Variants in EYS observed in about 807,000 individuals in gnomAD.
EYS encodes the protein EGF-like photoreceptor maintenance factor, also known as protein eyes shut homolog.
Under a neutral mutation model 282.1 loss-of-function variants are expected in EYS, and 250 were observed. That is an observed-to-expected ratio of 0.89 (90% CI 0.80 to 0.98). EYS has a LOEUF of 0.98. EYS is among the 50% of genes least tolerant of loss of function. EYS has a pLI of 0.00. For synonymous variants in EYS, 1,355 were observed against 1,282.9 expected (o/e 1.06, Z -1.20); for missense variants, 4,016 against 3,709.0 (o/e 1.08, Z -2.15).
chr6:64,861,864 C>G (rs557278187), intron 19 of EYS, among the ~76,000 whole-genome samples: 65 of 152,190 alleles, frequency 4.3e-4, no homozygotes, highest in Non-Finnish European at 8.1e-4. Flanking sequence ...TCCTCTAATG[C>G]TTCTTTCTTT....
In EYS at chr6:65,544,029, TGAGA is replaced by T. The variant is rs796845502; in HGVS notation, c.-332-48040_-332-48037del. 3.9e-3 allele frequency among the ~76,000 whole-genome samples: 510 copies of T among 131,938 alleles called. 5 individuals are homozygous for T. The highest frequency in any genetic ancestry group is 0.012 in the African/African-American group (397 of 33,690). 86.6% of individuals were successfully genotyped at this position (131,938 alleles called of 152,430 possible). Reference sequence around the variant, plus strand: ...GTGTGTGTGTGTGTGTGTGTGTGTGTGAGAGAGAGAGAGACAAAGACAGAGAGAG... The same window carrying T: ...GTGTGTGTGTGTGTGTGTGTGTGTGTGAGAGAGAGACAAAGACAGAGAGAG... On this transcript the variant is annotated intron_variant, in intron 2 of 42. Coordinates refer to ENST00000503581, the MANE Select transcript of EYS (RefSeq NM_001142800.2).
At chr6:64,201,785 G>A (rs776262652) in intron 31 of EYS, among the ~76,000 whole-genome samples, 4 of 152,134 alleles carry the variant, frequency 2.6e-5, no homozygotes, top group African/African-American at 4.8e-5. Flanking sequence ...GTAACAGAAT[G>A]TATTTAATTT....
intron 36 of EYS, among the ~76,000 whole-genome samples, chr6:63,852,454 G>C (rs1287363883): frequency 6.6e-6 from 1 of 152,044 alleles, no homozygotes; most frequent in African/African-American, 2.4e-5. Context: ...TCCCTGAATA[G>C]ACCAATAACA....
intron 1 of EYS, among the ~76,000 whole-genome samples, chr6:65,644,012 GT>G (rs1242873403): frequency 6.6e-6 from 1 of 151,886 alleles, no homozygotes; most frequent in Non-Finnish European, 1.5e-5. Context: ...ACAAAACAAG[GT>G]TTTTTAACAC....
At chr6:65,242,197 G>A (rs778744604) in intron 12 of EYS, among the ~76,000 whole-genome samples, 1 of 151,920 alleles carries the variant, frequency 6.6e-6, no homozygotes, top group Non-Finnish European at 1.5e-5. Flanking sequence ...AGTGATTTTA[G>A]TATATTTAGA....
At chr6:64,983,688 A>C (rs1770756653) in intron 14 of EYS, among the ~76,000 whole-genome samples, 2 of 151,406 alleles carry the variant, frequency 1.3e-5, no homozygotes, top group Non-Finnish European at 3.0e-5. Flanking sequence ...TGCTGATTTA[A>C]CAACAGGTGC....
intron 23 of EYS, among the ~76,000 whole-genome samples, chr6:64,619,831 T>C (rs186726995): frequency 2.0e-5 from 3 of 152,116 alleles, no homozygotes; most frequent in Admixed American, 2.0e-4. Context: ...AAGGAATGAC[T>C]CCCAGGTCCT....
intron 29 of EYS, among the ~76,000 whole-genome samples, chr6:64,384,014 GT>G (rs1180629591): frequency 6.6e-6 from 1 of 152,034 alleles, no homozygotes; most frequent in Non-Finnish European, 1.5e-5. Flanking sequence ...AACTGAAGTG[GT>G]TTCTTTCTTC....
chr6:64,660,859 A>G (rs1204324801), intron 22 of EYS, among the ~76,000 whole-genome samples: 1 of 152,140 alleles, frequency 6.6e-6, no homozygotes, highest in Admixed American at 6.5e-5. Context: ...GCTACCAATT[A>G]CTTTCTTCAC....
chr6:63,896,417 A>T (rs1016280836), intron 35 of EYS, among the ~76,000 whole-genome samples: 1 of 152,124 alleles, frequency 6.6e-6, no homozygotes, highest in Non-Finnish European at 1.5e-5. Context: ...TTTTCAGAGG[A>T]ATTTTATGTT....
intron 24 of EYS, 54 bp downstream of exon 24, chr6:64,617,364 G>A (rs1202806770): frequency 9.0e-7 from 1 of 1,113,702 alleles, no homozygotes; most frequent in South Asian, 1.3e-5. Flanking sequence ...ACTATTTACT[G>A]TGTATCAAAG....
chr6:65,063,662 G>A (rs1328778170), intron 12 of EYS, among the ~76,000 whole-genome samples: 1 of 152,072 alleles, frequency 6.6e-6, no homozygotes, highest in Non-Finnish European at 1.5e-5. Context: ...TAAAGGAAAT[G>A]TCTTTTCTCT....
intron 35 of EYS, among the ~76,000 whole-genome samples, chr6:63,922,417 G>A (rs1764598333): frequency 6.6e-6 from 1 of 152,088 alleles, no homozygotes; most frequent in South Asian, 2.1e-4. Context: ...ACAAAAATTA[G>A]CTGGGCATGG....
intron 31 of EYS, among the ~76,000 whole-genome samples, chr6:64,198,484 A>C (rs1435016005): frequency 1.3e-5 from 2 of 149,122 alleles, no homozygotes; most frequent in African/African-American, 5.0e-5. Flanking sequence ...CTGGCCCCCC[A>C]CTCCCCAACA....
intron 26 of EYS, among the ~76,000 whole-genome samples, chr6:64,469,456 T>G (rs1776038549): frequency 6.6e-6 from 1 of 152,146 alleles, no homozygotes; most frequent in African/African-American, 2.4e-5. Flanking sequence ...ATAATAATCC[T>G]CGCTCTATAA....
intron 41 of EYS, among the ~76,000 whole-genome samples, chr6:63,757,365 G>T (rs951570493): frequency 2.0e-5 from 3 of 152,026 alleles, no homozygotes; most frequent in African/African-American, 4.8e-5. Context: ...AGGTCTGACT[G>T]GTTCTCTGCT....
At chr6:64,682,753 C>T (rs2149905990) in intron 22 of EYS, among the ~76,000 whole-genome samples, 1 of 152,326 alleles carries the variant, frequency 6.6e-6, no homozygotes, top group African/African-American at 2.4e-5. Flanking sequence ...CACATACCCA[C>T]TTGGATTTCT....
At chr6:64,831,564 T>C (rs2150028405) in intron 19 of EYS, among the ~76,000 whole-genome samples, 1 of 152,034 alleles carries the variant, frequency 6.6e-6, no homozygotes, top group East Asian at 1.9e-4. Context: ...CAATAAATAT[T>C]TGATGATGAA....
At chr6:64,308,168 C>A (rs949450046) in intron 29 of EYS, among the ~76,000 whole-genome samples, 1 of 151,992 alleles carries the variant, frequency 6.6e-6, no homozygotes, top group African/African-American at 2.4e-5. Flanking sequence ...GGGACCAAAG[C>A]TAACAAAGTA....
Sources: allele counts gnomAD v4.1 joint callset (sites outside exome capture counted in the v4.1 genomes callset), GRCh38; gene constraint gnomAD v4.1.1; transcripts MANE v1.5; gene names NCBI Gene and HGNC (gene_info 2026-07-23, HGNC 2026-07-21).